CTBP2: variants seen among roughly 807,000 people sequenced by gnomAD.
CTBP2 encodes the protein C-terminal binding protein 2.
Under a neutral mutation model 80.3 loss-of-function variants are expected in CTBP2, and 30 were observed. The observed-to-expected ratio is 0.37, with a 90% CI of 0.28 to 0.51. CTBP2 has a LOEUF of 0.51. Among genes scored for constraint, CTBP2 ranks in the 20% least tolerant of loss-of-function variants. The pLI, the probability that CTBP2 is intolerant of heterozygous loss-of-function variation, is 0.93. For synonymous variants in CTBP2, 594 were observed against 587.4 expected, an observed-to-expected ratio of 1.01 and a Z score of -0.16; for missense variants, 1,212 against 1,375.3, an observed-to-expected ratio of 0.88 and a Z score of 1.88.
chr10:125,027,873 A>G lies in CTBP2; in HGVS notation c.-114T>C. The G allele has an allele frequency of 7.0e-7, 1 of 1,428,890 alleles. No individual in the cohort carries two copies. The highest frequency in any genetic ancestry group is 9.1e-7 in the Non-Finnish European group (1 of 1,095,422). The allele number at this position is 1,428,890 out of a possible 1,614,324, so 88.5% of individuals were successfully genotyped here. A position where few individuals can be genotyped will look rare whatever the true frequency, so the allele number is the denominator to read the frequency against. On this transcript the variant is annotated 5_prime_UTR_variant, in exon 1 of 9. Coordinates refer to ENST00000309035, the MANE Select transcript of CTBP2 (RefSeq NM_022802.3). ...TGCTAACCCTTCCGAGACGGCAGGG[A>G]CAACCAACTGGGGGTTTTCTGTTTC...
At chr10:125,083,592 T>C (rs765851479) in intron 2 of CTBP2, among the ~76,000 whole-genome samples, 2 of 152,196 alleles carry the variant, frequency 1.3e-5, no homozygotes, top group African/African-American at 2.4e-5. Flanking sequence ...AGCCCTCTGT[T>C]TGCACCTTAG....
At chr10:124,994,096 A>C (rs768849993) in intron 5 of CTBP2, 111 bp from the exon 8 acceptor site, 4 of 1,435,210 alleles carry the variant, frequency 2.8e-6, no homozygotes, top group Non-Finnish European at 3.8e-6. Flanking sequence ...TGGTGGTTTA[A>C]TGTGTGTGCT....
intron 2 of CTBP2, among the ~76,000 whole-genome samples, chr10:125,092,904 C>G (rs910711405): frequency 6.6e-6 from 1 of 152,012 alleles, no homozygotes; most frequent in African/African-American, 2.4e-5. Context: ...AAACAGCCCG[C>G]CTTCTAGAGT....
At chr10:125,114,365 G>C (rs770989335) in intron 1 of CTBP2, among the ~76,000 whole-genome samples, 1 of 152,002 alleles carries the variant, frequency 6.6e-6, no homozygotes, top group African/African-American at 2.4e-5. Flanking sequence ...ATGACAGGGG[G>C]GTGTGTACTC....
chr10:125,016,000 T>C (rs184246801), intron 1 of CTBP2, among the ~76,000 whole-genome samples: 2 of 151,488 alleles, frequency 1.3e-5, no homozygotes, highest in South Asian at 2.1e-4. Flanking sequence ...GTGTGAAAGT[T>C]TGAGAACGCC....
intron 1 of CTBP2, chr10:125,005,920 G>C: frequency 6.6e-7 from 1 of 1,507,184 alleles, no homozygotes. Flanking sequence ...CAAGCTGTTC[G>C]TTAAATGGTA....
intron 2 of CTBP2, among the ~76,000 whole-genome samples, chr10:125,110,452 C>T (rs1425946729): frequency 6.6e-6 from 1 of 152,078 alleles, no homozygotes; most frequent in Non-Finnish European, 1.5e-5. Flanking sequence ...CAGCCTGCAC[C>T]CACATTCCCA....
At chr10:125,007,510 C>T (rs1293864438) in intron 1 of CTBP2, among the ~76,000 whole-genome samples, 2 of 152,366 alleles carry the variant, frequency 1.3e-5, no homozygotes, top group African/African-American at 4.8e-5. Flanking sequence ...TCTCACAGAT[C>T]CTAAGGCAGG....
intron 1 of CTBP2, among the ~76,000 whole-genome samples, chr10:125,006,232 A>G (rs1955223110): frequency 6.7e-6 from 1 of 150,100 alleles, no homozygotes; most frequent in South Asian, 2.1e-4. Flanking sequence ...CAGGTCCTTC[A>G]TGGCAAGGCG....
At chr10:124,993,816 C>A in intron 6 of CTBP2, 39 bp downstream of exon 8, 2 of 1,594,536 alleles carry the variant, frequency 1.3e-6, no homozygotes, top group Non-Finnish European at 8.6e-7. Context: ...TGGAGCTGGG[C>A]CCTGTGGGCT....
chr10:125,077,246 G>A (rs1406622967), intron 2 of CTBP2, among the ~76,000 whole-genome samples: 1 of 152,170 alleles, frequency 6.6e-6, no homozygotes, highest in Non-Finnish European at 1.5e-5. Context: ...GTGAATGTAG[G>A]TTTATATACA....
chr10:125,084,467 T>TA (rs1167943951), intron 2 of CTBP2, among the ~76,000 whole-genome samples: 1 of 152,150 alleles, frequency 6.6e-6, no homozygotes, highest in Non-Finnish European at 1.5e-5. Flanking sequence ...GGCTGGCCTC[T>TA]AGGTGGAGTC....
intron 2 of CTBP2, among the ~76,000 whole-genome samples, chr10:125,048,456 C>T (rs972855925): frequency 6.6e-5 from 10 of 152,212 alleles, no homozygotes; most frequent in South Asian, 2.1e-4. Context: ...AAGGTCTCAC[C>T]GTTCCAGCAG....
intron 1 of CTBP2, among the ~76,000 whole-genome samples, chr10:125,159,447 GC>G (rs1365692898): frequency 6.9e-6 from 1 of 145,088 alleles, no homozygotes; most frequent in Non-Finnish European, 1.5e-5. Context: ...GCCCGCCCAG[GC>G]CCCCCGCCCC....
At chr10:125,092,176 CTTTTTTTTTTT>C (rs71029238) in intron 2 of CTBP2, among the ~76,000 whole-genome samples, 129 of 87,134 alleles carry the variant, frequency 1.5e-3, no homozygotes, top group Non-Finnish European at 1.2e-3. Context: ...TCTGAAGATT[CTTTTTTTTTTT>C]TTTTTTTTTT....
chr10:125,160,651 C>T (rs1861793196), upstream of CTBP2: 1 of 100,958 alleles, frequency 9.9e-6, no homozygotes, highest in African/African-American at 4.0e-5. Flanking sequence ...CCTCCCTTCC[C>T]TTCCACCTCC....
chr10:125,047,466 C>CTGGGCACACACAATACAAT (rs542297674), intron 2 of CTBP2, among the ~76,000 whole-genome samples: 96 of 152,340 alleles, frequency 6.3e-4, no homozygotes, highest in African/African-American at 2.3e-3. Flanking sequence ...TGCAGAGAAA[C>CTGGGCACACACAATACAAT]TGGGCACACA....
chr10:125,118,507 G>A (rs746831922), intron 1 of CTBP2, among the ~76,000 whole-genome samples: 51 of 152,250 alleles, frequency 3.3e-4, no homozygotes, highest in African/African-American at 1.2e-3. Context: ...ACACAACGAC[G>A]TCATTTTGTG....
intron 1 of CTBP2, among the ~76,000 whole-genome samples, chr10:125,011,490 C>T (rs1257909660): frequency 6.6e-6 from 1 of 152,180 alleles, no homozygotes. Context: ...TCTCAGGCCC[C>T]CAAAAGCTTT....
Sources: gnomAD v4.1 joint callset for allele counts (sites outside exome capture counted in the v4.1 genomes callset) on GRCh38, gnomAD v4.1.1 for gene constraint, MANE v1.5 for transcripts, NCBI Gene and HGNC (gene_info 2026-07-23, HGNC 2026-07-21) for gene names.